Variants in HAP1 observed in about 807,000 individuals in gnomAD.
The protein encoded by HAP1 is huntingtin-associated protein 1.
A neutral mutation model predicts 60.3 loss-of-function variants in HAP1; 59 were observed. The observed-to-expected ratio is 0.98, with a 90% confidence interval of 0.79 to 1.22. The LOEUF (loss-of-function observed/expected upper bound fraction) is 1.22, where lower values mean the gene tolerates loss of function less well. HAP1 is among the 50% of genes most tolerant of loss of function. The pLI is 0.00. For synonymous variants in HAP1, 346 were observed against 330.6 expected (o/e 1.05, Z -0.50); for missense variants, 825 against 785.3 (o/e 1.05, Z -0.60).
At position 41,732,229 on chromosome 17, in the gene HAP1, C is replaced by T. The variant is rs782525399; in HGVS notation, c.714+1G>A. On this transcript the variant is annotated splice_donor_variant, in intron 3 of 10. Coordinates refer to ENST00000347901, the MANE Select transcript of HAP1 (RefSeq NM_177977.3). LOFTEE classifies it high-confidence loss of function. Reference sequence around the variant, plus strand: ...CTATCCTCTCCTCCCCACCCGGTTACCTCCTCCTTGGCTGAGCCCAGCAGG... The same window carrying T: ...CTATCCTCTCCTCCCCACCCGGTTATCTCCTCCTTGGCTGAGCCCAGCAGG... 1.2e-5 allele frequency: 20 copies of T among 1,613,936 alleles called. No individual in the cohort carries two copies. In the South Asian group the frequency reaches 1.9e-4, roughly 15 times the overall value.
rs573325595 is a variant in HAP1, at chr17:41,724,600, G to A, written c.*101C>T. The A allele has an allele frequency of 5.0e-6, 4 of 800,012 alleles. No homozygotes were observed. The East Asian group carries it at 9.8e-5, about 20-fold the overall frequency. 49.6% of individuals were successfully genotyped at this position (800,012 alleles called of 1,614,324 possible). A position where few individuals can be genotyped will look rare whatever the true frequency, so the allele number is the denominator to read the frequency against. ...CGGTTCCCACTGAAGGGGATCAGAG[G>A]TGTCTATGCAAATGATATGCAAAGT... On this transcript the variant is annotated 3_prime_UTR_variant, in exon 11 of 11. Transcript: ENST00000347901.
At chr17:41,731,402 G>C in intron 6 of HAP1, 91 bp downstream of exon 6, 1 of 876,352 alleles carries the variant, frequency 1.1e-6, no homozygotes, top group Non-Finnish European at 2.0e-6. Flanking sequence ...CCAGATCTGG[G>C]ACTTGAACTT....
chr17:41,718,787 T>A (rs1271620744), downstream of HAP1, among the ~76,000 whole-genome samples: 1 of 152,150 alleles, frequency 6.6e-6, no homozygotes, highest in East Asian at 1.9e-4. Context: ...AGCAGATGTG[T>A]CCTTCCGTTG....
At position 41,734,373 on chromosome 17, in the gene HAP1, C is replaced by T; in HGVS notation, c.262G>A (p.Ala88Thr). ...AGARRPSAFS[A>T]IQGDVRSMPD... ...ATAGACCGGACATCCCCTTGGATGG[C>T]CGAGAATGCGGACGGGCGCCGGGCT... The change falls in exon 1 of 11, where the codon GCC (alanine) becomes ACC (threonine). Residue 88 changes from alanine (A) to threonine (T), a missense_variant. By Grantham distance (58) the Ala-to-Thr change is moderately conservative (BLOSUM62 0). Transcript: ENST00000347901. 1 of 1,606,644 alleles carries T rather than the reference C, an allele frequency of 6.2e-7. No individual in the cohort carries two copies.
downstream of HAP1, chr17:41,722,024 C>G (rs1311833681): frequency 1.4e-5 from 2 of 147,930 alleles, no homozygotes; most frequent in Non-Finnish European, 3.0e-5. Flanking sequence ...ATTACAGGCA[C>G]CCACCACCAC....
In HAP1 at chr17:41,724,399, TG is replaced by T; in HGVS notation, c.*301del. The T allele has an allele frequency of 4.0e-6, 1 of 251,418 alleles. No homozygotes were observed. The allele number at this position is 251,418 out of a possible 1,614,324, so 15.6% of individuals were successfully genotyped here. ...GCCACTGCTGCAGAGTTGGAGAGCC[TG>T]GGGGATAGAGGAGGCAGGGGTTGGG... On this transcript the variant is annotated 3_prime_UTR_variant, in exon 11 of 11. Transcript: ENST00000347901.
Position 41,728,310 on chromosome 17 carries a change from G to C in HAP1, c.1091C>G (p.Ala364Gly). ...EQFSEASQQM[A>G]ELSEVLVLRL... The stretch of plus-strand genomic sequence containing the variant: ...GAGCACCAGCACCTCCGACAGCTCA[G>C]CCATCTGTTGGCTGGCCTCCGCTGG... Residue 364 changes from alanine (A) to glycine (G), a missense_variant, in exon 7 of 11, where the codon GCT becomes GGT. Coordinates refer to ENST00000347901, the MANE Select transcript of HAP1 (RefSeq NM_177977.3). 5 of 1,613,524 alleles carry C rather than the reference G, an allele frequency of 3.1e-6. No individual in the cohort carries two copies. The highest frequency in any genetic ancestry group is 4.2e-6 in the Non-Finnish European group (5 of 1,179,978).
At chr17:41,726,371 G>A (rs1484636587) in intron 9 of HAP1, among the ~76,000 whole-genome samples, 9 of 143,244 alleles carry the variant, frequency 6.3e-5, no homozygotes, top group Non-Finnish European at 1.2e-4. Context: ...CCGAGATCAC[G>A]CCAACCTGGA....
chr17:41,724,864 C>G lies in HAP1; in HGVS notation c.1697G>C (p.Gly566Ala). Residue 566 changes from glycine to alanine, a missense_variant, in exon 11 of 11, where the codon GGC becomes GCC. Gly to Ala is a moderately conservative substitution (Grantham distance 60). Coordinates refer to ENST00000347901, the MANE Select transcript of HAP1 (RefSeq NM_177977.3). ...ATAATTCATGTCCAGGTGTGAAGGG[C>G]CCAAGCCGCTGGCCTCCAGGGCTGA... ...VTSALEASGL[G>A]PSHLDMNYVL... The G allele has an allele frequency of 6.2e-7, 1 of 1,613,672 alleles. No homozygotes were observed. The highest frequency in any genetic ancestry group is 8.5e-7 in the Non-Finnish European group (1 of 1,179,994).
chr17:41,726,907 C>T, intron 9 of HAP1, 146 bp downstream of exon 9: 1 of 596,090 alleles, frequency 1.7e-6, no homozygotes, highest in Non-Finnish European at 3.0e-6. Context: ...GGTCCATATT[C>T]ATAGAGAAGC....
At position 41,727,039 on chromosome 17, in the gene HAP1, C is replaced by T. The variant is rs1555589014; in HGVS notation, c.1367+14G>A. On this transcript the variant is annotated intron_variant, in intron 9 of 10. Transcript: ENST00000347901. ...CCATGGCCTATGGGGCAAGGGAGGG[C>T]CCCAGCCACGCACCTCTCCATAAAA... The T allele has an allele frequency of 5.7e-6, 8 of 1,397,310 alleles. No individual in the cohort carries two copies. The highest frequency in any genetic ancestry group is 3.8e-5 in the Admixed American group (2 of 51,954). The allele number at this position is 1,397,310 out of a possible 1,614,324, so 86.6% of individuals were successfully genotyped here.
At position 41,726,322 on chromosome 17, in the gene HAP1, G is replaced by C. The variant is rs1213382281; in HGVS notation, c.1368-425C>G. Among the ~76,000 whole-genome samples, 4 of 151,390 alleles carry C rather than the reference G, an allele frequency of 2.6e-5. No individual in the cohort carries two copies. The East Asian group carries it at 7.8e-4, about 29-fold the overall frequency. On this transcript the variant is annotated intron_variant, in intron 9 of 10. Coordinates refer to ENST00000347901, the MANE Select transcript of HAP1 (RefSeq NM_177977.3). ...CCAGCTACTCAGGAGGCTGAGGTAG[G>C]AGAATCGCTTGAACCCAGGAGGCGG...
At chr17:41,731,837 C>A in intron 4 of HAP1, 94 bp from the exon 5 acceptor site, 1 of 965,848 alleles carries the variant, frequency 1.0e-6, no homozygotes, top group Non-Finnish European at 1.6e-6. Context: ...CAATTAGTTC[C>A]AGCAACCCTG....
In HAP1 at chr17:41,732,023, CTCCTCCTCTTCTTCA is replaced by C; in HGVS notation, c.795_809del (p.Asp265_Glu269del). ...GTTCCTCTTCTGCCTCCTTTTCTTC[CTCCTCCTCTTCTTCA>C]TCCTCATCCTCCTCATCAGAATCTG... On this transcript the variant is annotated inframe_deletion, in exon 4 of 11. Coordinates refer to ENST00000347901, the MANE Select transcript of HAP1 (RefSeq NM_177977.3). The C allele has an allele frequency of 1.3e-6, 2 of 1,521,456 alleles. No individual in the cohort carries two copies. The highest frequency in any genetic ancestry group is 1.8e-6 in the Non-Finnish European group (2 of 1,095,894). 94.2% of individuals were successfully genotyped at this position (1,521,456 alleles called of 1,614,324 possible).
At position 41,732,022 on chromosome 17, in the gene HAP1, C is replaced by G. The variant is rs1555591185; in HGVS notation, c.811G>C (p.Glu271Gln). Residue 271 changes from glutamate to glutamine, a missense_variant, in exon 4 of 11, where the codon GAA becomes CAA. Physicochemically the swap from Glu to Gln is conservative, Grantham distance 29. Coordinates refer to ENST00000347901, the MANE Select transcript of HAP1 (RefSeq NM_177977.3). ...EEDEDEEEEE[E>Q]EKEAEEEQEE... ...TGTTCCTCTTCTGCCTCCTTTTCTTCCTCCTCCTCTTCTTCATCCTCATCC... is the reference window on the plus strand; with the variant it reads ...TGTTCCTCTTCTGCCTCCTTTTCTTGCTCCTCCTCTTCTTCATCCTCATCC... 1 of 1,511,918 alleles carries G rather than the reference C, an allele frequency of 6.6e-7. No individual in the cohort carries two copies. Among genetic ancestry groups the G allele is most frequent in the Non-Finnish European group, 9.2e-7 (1 of 1,087,338 alleles). 93.7% of individuals were successfully genotyped at this position (1,511,918 alleles called of 1,614,324 possible).
chr17:41,720,057 T>C (rs1555586732), downstream of HAP1, among the ~76,000 whole-genome samples: 2 of 151,262 alleles, frequency 1.3e-5, no homozygotes, highest in Middle Eastern at 3.2e-3. Context: ...GCCTGGCTAA[T>C]TTTTTGTATT....
Position 41,729,186 on chromosome 17 carries a change from C to T in HAP1, c.1070-855G>A, listed in dbSNP as rs113335835. 4.5e-3 allele frequency among the ~76,000 whole-genome samples: 686 copies of T among 151,342 alleles called. 4 individuals are homozygous for T. Among genetic ancestry groups the T allele is most frequent in the African/African-American group, 0.016 (660 of 41,288 alleles). On this transcript the variant is annotated intron_variant, in intron 6 of 10. Coordinates refer to ENST00000347901, the MANE Select transcript of HAP1 (RefSeq NM_177977.3). ...AAACTCCTGACCTCAAGAGATCCAC[C>T]TGCCTCTGCCTCCCAAAGTGCTGGG... is the stretch of plus-strand genomic sequence containing the variant.
intron 9 of HAP1, among the ~76,000 whole-genome samples, 159 bp downstream of exon 9, chr17:41,726,894 A>T (rs183158838): frequency 5.3e-4 from 80 of 151,524 alleles, no homozygotes; most frequent in East Asian, 3.1e-3. Flanking sequence ...GGGGGAAGTG[A>T]TGGGTCCATA....
In HAP1 at chr17:41,724,369, C is replaced by G; in HGVS notation, c.*332G>C. On this transcript the variant is annotated 3_prime_UTR_variant, in exon 11 of 11. Coordinates refer to ENST00000347901, the MANE Select transcript of HAP1 (RefSeq NM_177977.3). ...CCGCCCCCCGTGTTTGTTTTGACTG[C>G]TGCTGCCACTGCTGCAGAGTTGGAG... is the stretch of plus-strand genomic sequence containing the variant. The G allele has an allele frequency of 5.7e-6, 1 of 175,270 alleles. No homozygotes were observed. Among genetic ancestry groups the G allele is most frequent in the Non-Finnish European group, 1.2e-5 (1 of 81,058 alleles). 10.9% of individuals were successfully genotyped at this position (175,270 alleles called of 1,614,324 possible).
Sources: gnomAD v4.1 joint callset for allele counts (sites outside exome capture counted in the v4.1 genomes callset) on GRCh38, gnomAD v4.1.1 for gene constraint, MANE v1.5 for transcripts, NCBI Gene and HGNC (gene_info 2026-07-23, HGNC 2026-07-21) for gene names.